The following MFN1 variants were observed in gnomAD, a reference collection of about 807,000 sequenced individuals.
MFN1 encodes mitofusin-1.
In MFN1, 65 loss-of-function variants were observed where a neutral mutation model predicts 92.4. The observed-to-expected ratio is 0.70, with a 90% CI of 0.58 to 0.86. MFN1 has a LOEUF of 0.86. MFN1 is among the 40% of genes least tolerant of loss of function. The pLI is 0.00. For synonymous variants in MFN1, 297 were observed against 300.9 expected, an observed-to-expected ratio of 0.99 and a Z score of 0.13; for missense variants, 781 against 868.0, an observed-to-expected ratio of 0.90 and a Z score of 1.26.
intron 16 of MFN1, among the ~76,000 whole-genome samples, chr3:179,387,348 A>C (rs1429544455): frequency 1.3e-5 from 2 of 151,950 alleles, no homozygotes; most frequent in Non-Finnish European, 1.5e-5. Flanking sequence ...GAGTTCGAGA[A>C]CAGCCTGGCC....
intron 3 of MFN1, among the ~76,000 whole-genome samples, chr3:179,354,161 G>A (rs1712260022): frequency 6.6e-6 from 1 of 152,312 alleles, no homozygotes; most frequent in East Asian, 1.9e-4. Context: ...CTGGGAAGGT[G>A]ATGACTCAAC....
At chr3:179,373,015 C>T (rs1174168498) in intron 9 of MFN1, among the ~76,000 whole-genome samples, 2 of 152,026 alleles carry the variant, frequency 1.3e-5, no homozygotes, top group African/African-American at 4.8e-5. Flanking sequence ...GTGTACAGAA[C>T]AGGAATGCTA....
chr3:179,358,748 T>G, intron 3 of MFN1, 92 bp from the exon 4 acceptor site: 1 of 1,322,286 alleles, frequency 7.6e-7, no homozygotes, highest in South Asian at 1.6e-5. Context: ...TTAACAAAAT[T>G]TGGATTTTAA....
intron 1 of MFN1, chr3:179,348,077 C>T (rs1711985391): frequency 1.3e-5 from 2 of 151,990 alleles, no homozygotes; most frequent in South Asian, 4.1e-4. Context: ...GGCTCTGGCC[C>T]TGACTCCTGC....
At chr3:179,378,218 CAAA>C (rs35435588) in intron 12 of MFN1, 120 bp from the exon 13 acceptor site, 651 of 618,426 alleles carry the variant, frequency 1.1e-3, no homozygotes, top group South Asian at 1.7e-3. Flanking sequence ...GACCCTGTCT[CAAA>C]AAAAAAAAAA....
chr3:179,377,407 G>A lies in MFN1; in HGVS notation c.1288G>A (p.Glu430Lys). The stretch of plus-strand genomic sequence containing the variant: ...TGTTTTGGTTGATGAATTTTGTTCA[G>A]AGTTTCATCCTAATCCAGATGTATT... ...LSVLVDEFCS[E>K]FHPNPDVLKI... Residue 430 changes from glutamate to lysine, a missense_variant, in exon 12 of 18, where the codon GAG (glutamate) becomes AAG (lysine). By Grantham distance (56) the Glu-to-Lys change is moderately conservative (BLOSUM62 1). Transcript: ENST00000471841. The A allele has an allele frequency of 6.2e-7, 1 of 1,608,480 alleles. No homozygotes were observed. Among genetic ancestry groups the A allele is most frequent in the Non-Finnish European group, 8.5e-7 (1 of 1,177,116 alleles).
chr3:179,376,804 C>A, intron 10 of MFN1: 1 of 311,394 alleles, frequency 3.2e-6, no homozygotes. Flanking sequence ...ACTTAGAATT[C>A]TTATTCATCC....
At chr3:179,372,842 A>G (rs1455873939) in intron 9 of MFN1, among the ~76,000 whole-genome samples, 1 of 152,170 alleles carries the variant, frequency 6.6e-6, no homozygotes, top group Non-Finnish European at 1.5e-5. Flanking sequence ...TGTTTTTATA[A>G]TTTTGCAGAA....
At chr3:179,381,331 C>G (rs1331648682) in intron 14 of MFN1, among the ~76,000 whole-genome samples, 1 of 152,178 alleles carries the variant, frequency 6.6e-6, no homozygotes, top group African/African-American at 2.4e-5. Context: ...CGAGAGGACC[C>G]ACTTCTTGGT....
intron 16 of MFN1, among the ~76,000 whole-genome samples, chr3:179,389,167 A>G (rs1289269574): frequency 2.0e-5 from 3 of 152,192 alleles, no homozygotes; most frequent in East Asian, 1.9e-4. Flanking sequence ...TTCATTGACC[A>G]AGTTTTTTGA....
intron 3 of MFN1, among the ~76,000 whole-genome samples, chr3:179,354,901 T>G (rs1281245095): frequency 6.6e-6 from 1 of 152,166 alleles, no homozygotes; most frequent in Non-Finnish European, 1.5e-5. Flanking sequence ...TTCAAGCGAT[T>G]CTCCTGCCTC....
intron 11 of MFN1, 72 bp downstream of exon 11, chr3:179,377,240 T>C (rs1713274852): frequency 1.3e-6 from 2 of 1,541,660 alleles, no homozygotes; most frequent in South Asian, 2.4e-5. Context: ...AAAATGTTAT[T>C]CCTGTTACTT....
intron 3 of MFN1, among the ~76,000 whole-genome samples, chr3:179,356,636 T>G (rs904481345): frequency 6.6e-5 from 10 of 152,162 alleles, no homozygotes; most frequent in African/African-American, 2.2e-4. Context: ...ATTTCCACAG[T>G]TGTTTTTTTT....
At chr3:179,391,760 C>T (rs1713909853) in intron 17 of MFN1, among the ~76,000 whole-genome samples, 1 of 152,102 alleles carries the variant, frequency 6.6e-6, no homozygotes, top group Non-Finnish European at 1.5e-5. Flanking sequence ...CCTTGTATGT[C>T]CATAAGAAAC....
intron 9 of MFN1, among the ~76,000 whole-genome samples, chr3:179,369,734 A>G (rs560346567): frequency 7.9e-5 from 12 of 152,284 alleles, no homozygotes; most frequent in African/African-American, 2.9e-4. Flanking sequence ...CTAGGAATCT[A>G]TATACATATA....
At chr3:179,350,928 C>T (rs1560188454) in intron 2 of MFN1, among the ~76,000 whole-genome samples, 1 of 152,174 alleles carries the variant, frequency 6.6e-6, no homozygotes, top group Non-Finnish European at 1.5e-5. Context: ...ACCATCTCGG[C>T]TCACTGCAAA....
At chr3:179,363,374 C>A (rs1327893911) in intron 5 of MFN1, among the ~76,000 whole-genome samples, 1 of 152,100 alleles carries the variant, frequency 6.6e-6, no homozygotes, top group Admixed American at 6.5e-5. Flanking sequence ...GTGTGAGCTG[C>A]CGTACCTGGC....
At position 179,377,447 on chromosome 3, in the gene MFN1, G is replaced by A. The variant is rs765439568; in HGVS notation, c.1328G>A (p.Ser443Asn). ...PNPDVLKIYKSELNKHIEDGM... is the reference protein window; with the variant it reads ...PNPDVLKIYKNELNKHIEDGM... ...CCAGATGTATTAAAAATATATAAAA[G>A]TGTAAGTTAAAGTATAGATAAAATT... The change falls in exon 12 of 18, where the codon AGT becomes AAT. Residue 443 changes from serine to asparagine, a missense_variant and splice_region_variant. Coordinates refer to ENST00000471841, the MANE Select transcript of MFN1 (RefSeq NM_033540.3). 7.2e-6 allele frequency: 11 copies of A among 1,526,336 alleles called. No homozygotes were observed. The highest frequency in any genetic ancestry group is 5.8e-5 in the South Asian group (5 of 85,646). 94.5% of individuals were successfully genotyped at this position (1,526,336 alleles called of 1,614,324 possible).
intron 7 of MFN1, among the ~76,000 whole-genome samples, chr3:179,367,205 C>T (rs1284373890): frequency 6.6e-6 from 1 of 152,236 alleles, no homozygotes; most frequent in African/African-American, 2.4e-5. Flanking sequence ...GGATTGCAGG[C>T]GTGAGCCACT....
Sources: allele counts gnomAD v4.1 joint callset (sites outside exome capture counted in the v4.1 genomes callset), GRCh38; gene constraint gnomAD v4.1.1; transcripts MANE v1.5; gene names NCBI Gene and HGNC (gene_info 2026-07-23, HGNC 2026-07-21).